Variants in DNMT3A observed in about 807,000 individuals in gnomAD.
DNMT3A encodes the protein DNA methyltransferase 3 alpha, also known as DNA (cytosine-5)-methyltransferase 3A.
In DNMT3A, 267 loss-of-function variants were observed where a neutral mutation model predicts 117.6. The observed-to-expected ratio is 2.27, with a 90% CI of 2.05 to 2.51. The LOEUF (loss-of-function observed/expected upper bound fraction) is 2.51. Among genes scored for constraint, DNMT3A ranks in the 30% most tolerant of loss-of-function variants. DNMT3A has a pLI of 0.00. For missense variants in DNMT3A, 1,029 were observed against 1,260.2 expected, an observed-to-expected ratio of 0.82 and a Z score of 2.78; for synonymous variants, 432 against 474.8, an observed-to-expected ratio of 0.91 and a Z score of 1.17.
chr2:25,307,077 T>A (rs2033817952), intron 2 of DNMT3A, among the ~76,000 whole-genome samples: 1 of 152,264 alleles, frequency 6.6e-6, no homozygotes, highest in African/African-American at 2.4e-5. Flanking sequence ...ACCATCATCC[T>A]GCTCTGGGCG....
intron 1 of DNMT3A, among the ~76,000 whole-genome samples, chr2:25,340,480 C>A (rs766826575): frequency 1.4e-4 from 21 of 151,774 alleles, no homozygotes; most frequent in Admixed American, 3.9e-4. Flanking sequence ...AGGCCAGGGG[C>A]GGGCCCTGGA....
chr2:25,251,465 A>C (rs934780), intron 6 of DNMT3A, among the ~76,000 whole-genome samples: 106,176 of 152,010 alleles, frequency 0.7, 37,679 homozygotes, highest in Non-Finnish European at 0.75. Flanking sequence ...GTCCGTCCAG[A>C]CTGGGAAAGC....
At position 25,248,195 on chromosome 2, in the gene DNMT3A, G is replaced by C. The variant is rs751474744; in HGVS notation, c.697C>G (p.Pro233Ala). 2 of 1,613,180 alleles carry C rather than the reference G, an allele frequency of 1.2e-6. No individual in the cohort carries two copies. Among genetic ancestry groups the C allele is most frequent in the African/African-American group, 2.7e-5 (2 of 74,846 alleles). Reference sequence around the variant, plus strand: ...TCCTCCACCTTCTGAGACTCCCCGGGCCCCTGGTTTTCTTCCACAGCATTC... The same window carrying C: ...TCCTCCACCTTCTGAGACTCCCCGGCCCCCTGGTTTTCTTCCACAGCATTC... ...GMNAVEENQG[P>A]GESQKVEEAS... Residue 233 changes from proline to alanine, a missense_variant, in exon 7 of 23, where the codon CCC (proline) becomes GCC (alanine). Coordinates refer to ENST00000321117, the MANE Select transcript of DNMT3A (RefSeq NM_022552.5).
At chr2:25,292,090 A>T (rs1224167995) in intron 3 of DNMT3A, among the ~76,000 whole-genome samples, 2 of 152,132 alleles carry the variant, frequency 1.3e-5, no homozygotes, top group East Asian at 3.9e-4. Flanking sequence ...CCCCATCTCT[A>T]CTAAAAATAC....
chr2:25,288,250 T>C (rs1220882300), intron 3 of DNMT3A, among the ~76,000 whole-genome samples: 1 of 149,956 alleles, frequency 6.7e-6, no homozygotes, highest in Non-Finnish European at 1.5e-5. Context: ...CTGGCTAACA[T>C]GGTGAAACCC....
chr2:25,255,472 TA>T (rs1676028386), intron 6 of DNMT3A, among the ~76,000 whole-genome samples: 1 of 152,146 alleles, frequency 6.6e-6, no homozygotes. Context: ...GTCAAGAGCC[TA>T]AAAGAGGTGC....
chr2:25,278,155 A>G (rs1268524143), intron 4 of DNMT3A, among the ~76,000 whole-genome samples: 1 of 152,192 alleles, frequency 6.6e-6, no homozygotes, highest in Non-Finnish European at 1.5e-5. Context: ...CTCCTGGCCC[A>G]GGCCCAGGGT....
At position 25,247,007 on chromosome 2, in the gene DNMT3A, A is replaced by C. The variant is rs1427058525; in HGVS notation, c.1122+44T>G. On this transcript the variant is annotated intron_variant, in intron 9 of 22. Coordinates refer to ENST00000321117, the MANE Select transcript of DNMT3A (RefSeq NM_022552.5). The surrounding 1 kb of genome is among the most constrained non-coding windows in gnomAD (Gnocchi z 5.6). ...CTGCACTCCAACTTCCAGGCCTCCT[A>C]GTGCTCTAGGCTCCTCCTCCGAGCT... is the stretch of plus-strand genomic sequence containing the variant. 3 of 1,591,934 alleles carry C rather than the reference A, an allele frequency of 1.9e-6. No individual in the cohort carries two copies. The East Asian group carries it at 6.9e-5, about 36-fold the overall frequency.
In DNMT3A at chr2:25,305,360, T is replaced by C. The variant is rs1252289823; in HGVS notation, c.73-5117A>G. Among the ~76,000 whole-genome samples, 1 of 152,230 alleles carries C rather than the reference T, an allele frequency of 6.6e-6. No homozygotes were observed. Among genetic ancestry groups the C allele is most frequent in the African/African-American group, 2.4e-5 (1 of 41,460 alleles). ...ATCTGAGGCTACGATCTGACCTACATTTCAACACTGCTCACTGGATGGATT... is the reference window on the plus strand; with the variant it reads ...ATCTGAGGCTACGATCTGACCTACACTTCAACACTGCTCACTGGATGGATT... On this transcript the variant is annotated intron_variant, in intron 2 of 22. Transcript: ENST00000321117. This position sits in a 1 kb window ranked among gnomAD's most constrained non-coding sequence, Gnocchi z 4.1.
chr2:25,240,431 G>A lies in DNMT3A; in HGVS notation c.2193C>T (p.Phe731=). 6.2e-7 allele frequency: 1 copy of A among 1,610,664 alleles called. No homozygotes were observed. Residue 731 remains phenylalanine, a synonymous_variant, in exon 19 of 23, where the codon TTC becomes TTT. Transcript: ENST00000321117. ...CATGCAGGAGGCGGTAGAACTCAAAGAAGAGCCGGCCAGTGCCCTCTGAGA... is the reference window on the plus strand; with the variant it reads ...CATGCAGGAGGCGGTAGAACTCAAAAAAGAGCCGGCCAGTGCCCTCTGAGA... The part of the protein sequence containing the change: ...KGLYEGTGRL[F]FEFYRLLHDA...
At chr2:25,284,978 T>C (rs1463276724) in intron 3 of DNMT3A, among the ~76,000 whole-genome samples, 1 of 152,264 alleles carries the variant, frequency 6.6e-6, no homozygotes, top group African/African-American at 2.4e-5. Context: ...CAGATGGATC[T>C]GGATGCTCCA....
intron 19 of DNMT3A, 108 bp downstream of exon 19, chr2:25,240,194 G>A: frequency 6.6e-7 from 1 of 1,516,564 alleles, no homozygotes; most frequent in Non-Finnish European, 8.9e-7. Context: ...CCCTTGCAAA[G>A]CAGAAGTCAC....
rs1299693988 is a variant in DNMT3A, at chr2:25,254,241, C to T, written c.640-5989G>A. Among the ~76,000 whole-genome samples the T allele has an allele frequency of 6.6e-6, 1 of 152,052 alleles. No individual in the cohort carries two copies. The highest frequency in any genetic ancestry group is 1.5e-5 in the Non-Finnish European group (1 of 68,012). On this transcript the variant is annotated intron_variant, in intron 6 of 22. Coordinates refer to ENST00000321117, the MANE Select transcript of DNMT3A (RefSeq NM_022552.5). This position sits in a 1 kb window ranked among gnomAD's most constrained non-coding sequence, Gnocchi z 4.7. ...ATCTCCTAATGACAATGAGACAATT[C>T]TCTAGGTGCCTGGCTCCCAGCCACA...
chr2:25,282,149 T>C lies in DNMT3A; in HGVS notation c.448+292A>G. The C allele has an allele frequency of 8.4e-7, 1 of 1,185,794 alleles. No homozygotes were observed. 73.5% of individuals were successfully genotyped at this position (1,185,794 alleles called of 1,614,324 possible). A position where few individuals can be genotyped will look rare whatever the true frequency, so the allele number is the denominator to read the frequency against. ...GTTATGAAAGCCCGCTGTTGCCAGA[T>C]CTAGCTTTTTTTTTTTTCATGAGAA... On this transcript the variant is annotated intron_variant, in intron 4 of 22. Coordinates refer to ENST00000321117, the MANE Select transcript of DNMT3A (RefSeq NM_022552.5). This position sits in a 1 kb window ranked among gnomAD's most constrained non-coding sequence, Gnocchi z 5.2.
intron 1 of DNMT3A, among the ~76,000 whole-genome samples, chr2:25,322,411 C>G (rs1378063424): frequency 2.0e-5 from 3 of 152,136 alleles, no homozygotes; most frequent in Admixed American, 2.0e-4. Flanking sequence ...CACACCCACA[C>G]AGAGTTCCAT....
chr2:25,248,554 TA>T (rs1389143697), intron 6 of DNMT3A, among the ~76,000 whole-genome samples: 1 of 141,452 alleles, frequency 7.1e-6, no homozygotes, highest in African/African-American at 2.4e-5. Context: ...GTTATTTATT[TA>T]TTTTTTTTTT....
At chr2:25,251,446 G>C (rs1428034150) in intron 6 of DNMT3A, among the ~76,000 whole-genome samples, 1 of 152,118 alleles carries the variant, frequency 6.6e-6, no homozygotes, top group Non-Finnish European at 1.5e-5. Flanking sequence ...GGAAGCCCCT[G>C]GGCCTGGAGT....
At chr2:25,334,310 G>A (rs1328216937) in intron 1 of DNMT3A, among the ~76,000 whole-genome samples, 3 of 152,088 alleles carry the variant, frequency 2.0e-5, no homozygotes. Context: ...CCATCATCTG[G>A]GTGATCACCA....
intron 6 of DNMT3A, among the ~76,000 whole-genome samples, chr2:25,261,615 A>T (rs994801679): frequency 1.5e-4 from 22 of 151,676 alleles, no homozygotes; most frequent in African/African-American, 5.3e-4. Flanking sequence ...TCAAAAAAAA[A>T]AAAAAACCAT....
Sources: gnomAD v4.1 joint callset for allele counts (sites outside exome capture counted in the v4.1 genomes callset) on GRCh38, gnomAD v4.1.1 for gene constraint, Gnocchi (gnomAD v3.1) non-coding constraint, MANE v1.5 for transcripts, NCBI Gene and HGNC (gene_info 2026-07-23, HGNC 2026-07-21) for gene names.